SPRYD7: variants seen among roughly 807,000 people sequenced by gnomAD.
SPRYD7 encodes the protein SPRY domain-containing protein 7.
In SPRYD7, 14 loss-of-function variants were observed where a neutral mutation model predicts 23.8. The observed-to-expected ratio is 0.59, with a 90% CI of 0.39 to 0.92. The LOEUF (loss-of-function observed/expected upper bound fraction) is 0.92. Among genes scored for constraint, SPRYD7 ranks in the 40% least tolerant of loss-of-function variants. The pLI, the probability that SPRYD7 is intolerant of heterozygous loss-of-function variation, is 0.00. For missense variants in SPRYD7, 194 were observed against 241.7 expected, an observed-to-expected ratio of 0.80 and a Z score of 1.31; for synonymous variants, 75 against 84.9, an observed-to-expected ratio of 0.88 and a Z score of 0.64.
At chr13:49,933,910 T>C (rs954308847) in intron 1 of SPRYD7, among the ~76,000 whole-genome samples, 3 of 152,154 alleles carry the variant, frequency 2.0e-5, no homozygotes, top group African/African-American at 4.8e-5. Context: ...GCCAAAGATA[T>C]GGCATCAATG....
In SPRYD7 at chr13:49,936,204, C is replaced by T. The variant is rs374289723; in HGVS notation, c.32G>A (p.Cys11Tyr). Residue 11 changes from cysteine to tyrosine, a missense_variant, in exon 1 of 5, where the codon TGC becomes TAC. Cys to Tyr is a radical substitution (Grantham distance 194). Transcript: ENST00000361840. MATSVLCCLR[C>Y]CRDGGTGHIP... ...GTGGCCAGTCCCCCCGTCTCTGCAG[C>T]ACCGCAGGCAGCACAACACCGAGGT... 1.4e-5 allele frequency: 23 copies of T among 1,608,098 alleles called. No individual in the cohort carries two copies. The African/African-American group carries it at 2.8e-4, about 20-fold the overall frequency.
intron 4 of SPRYD7, among the ~76,000 whole-genome samples, chr13:49,916,340 A>G (rs550293340): frequency 9.2e-5 from 14 of 152,324 alleles, no homozygotes; most frequent in African/African-American, 2.6e-4. Flanking sequence ...ACATTACTAT[A>G]TACTTTATAT....
At chr13:49,933,015 T>C (rs916017267) in intron 1 of SPRYD7, among the ~76,000 whole-genome samples, 2 of 152,230 alleles carry the variant, frequency 1.3e-5, no homozygotes, top group Non-Finnish European at 2.9e-5. Context: ...GTGCTTGGCA[T>C]TGAGCAGCTG....
intron 2 of SPRYD7, among the ~76,000 whole-genome samples, chr13:49,930,284 C>T (rs1955932351): frequency 6.6e-6 from 1 of 151,760 alleles, no homozygotes; most frequent in South Asian, 2.1e-4. Context: ...ATCAGGGTAT[C>T]TTAATAACTG....
intron 4 of SPRYD7, among the ~76,000 whole-genome samples, chr13:49,917,411 G>C (rs143203551): frequency 6.6e-6 from 1 of 152,144 alleles, no homozygotes; most frequent in African/African-American, 2.4e-5. Context: ...CCAGGAAGTC[G>C]TAACTTTGTA....
In SPRYD7 at chr13:49,933,616, GA is replaced by G. The variant is rs111981291; in HGVS notation, c.107-2483del. Reference sequence around the variant, plus strand: ...GATTCCCTCTCAAAAAAAAAAAAAAGAAAAAAAAAGAAAGAAAGAATATTCA... The same window carrying G: ...GATTCCCTCTCAAAAAAAAAAAAAAGAAAAAAAAGAAAGAAAGAATATTCA... On this transcript the variant is annotated intron_variant, in intron 1 of 4. Transcript: ENST00000361840. 1.2e-3 allele frequency among the ~76,000 whole-genome samples: 178 copies of G among 142,914 alleles called. 1 individual carries two copies. The highest frequency in any genetic ancestry group is 4.2e-3 in the African/African-American group (168 of 39,584). The allele number at this position is 142,914 out of a possible 152,430, so 93.8% of individuals were successfully genotyped here. A position where few individuals can be genotyped will look rare whatever the true frequency, so the allele number is the denominator to read the frequency against.
intron 1 of SPRYD7, among the ~76,000 whole-genome samples, chr13:49,932,586 A>C (rs1871435898): frequency 6.6e-6 from 1 of 152,180 alleles, no homozygotes; most frequent in Non-Finnish European, 1.5e-5. Flanking sequence ...ATAACTCCCC[A>C]TACTTGTGGC....
chr13:49,927,861 T>C lies in SPRYD7; in HGVS notation c.390+58A>G. 4.4e-6 allele frequency: 7 copies of C among 1,578,472 alleles called. No individual in the cohort carries two copies. In the Admixed American group the frequency reaches 6.8e-5, roughly 15 times the overall value. ...AACTCCCAGACAAAGCTGTAGATAC[T>C]AAAAGCAGTTCAAATTTAGTCATTT... On this transcript the variant is annotated intron_variant, in intron 3 of 4. Transcript: ENST00000361840.
At position 49,915,137 on chromosome 13, in the gene SPRYD7, A is replaced by C; in HGVS notation, c.517T>G (p.Cys173Gly). ...VYVDDSAILD[C>G]QFSEFYHTPP... ...GTATGATAAAACTCACTGAACTGGCAATCCAAAATTGCACTGTCATCAACT... is the reference window on the plus strand; with the variant it reads ...GTATGATAAAACTCACTGAACTGGCCATCCAAAATTGCACTGTCATCAACT... The change falls in exon 5 of 5, where the codon TGC (cysteine) becomes GGC (glycine). Residue 173 changes from cysteine (C) to glycine (G), a missense_variant. Cys to Gly is a radical substitution (Grantham distance 159, BLOSUM62 -3). Transcript: ENST00000361840. The C allele has an allele frequency of 6.4e-7, 1 of 1,573,356 alleles. No individual in the cohort carries two copies. Among genetic ancestry groups the C allele is most frequent in the South Asian group, 1.2e-5 (1 of 83,996 alleles).
At chr13:49,921,047 C>T (rs1030726222) in intron 4 of SPRYD7, among the ~76,000 whole-genome samples, 4 of 152,104 alleles carry the variant, frequency 2.6e-5, no homozygotes, top group South Asian at 2.1e-4. Context: ...GTAACATACA[C>T]GCTGATATGG....
chr13:49,929,137 A>T (rs1955917943), intron 2 of SPRYD7, among the ~76,000 whole-genome samples: 1 of 152,030 alleles, frequency 6.6e-6, no homozygotes, highest in South Asian at 2.1e-4. Flanking sequence ...TGCCCCATTG[A>T]AAATCATTAT....
intron 1 of SPRYD7, among the ~76,000 whole-genome samples, chr13:49,932,298 A>G (rs1871419551): frequency 6.6e-6 from 1 of 152,228 alleles, no homozygotes; most frequent in South Asian, 2.1e-4. Flanking sequence ...TAACTTTAGG[A>G]TCTTAAAATG....
intron 1 of SPRYD7, among the ~76,000 whole-genome samples, chr13:49,934,572 A>AAG (rs1555317838): frequency 5.3e-4 from 80 of 149,742 alleles, no homozygotes; most frequent in East Asian, 1.4e-3. Context: ...AAAAAAAAAA[A>AAG]AAAAAGAAAA....
At chr13:49,932,348 A>G (rs981161492) in intron 1 of SPRYD7, among the ~76,000 whole-genome samples, 1 of 152,232 alleles carries the variant, frequency 6.6e-6, no homozygotes, top group African/African-American at 2.4e-5. Context: ...GCAAATATGT[A>G]AACAAGGTTT....
intron 4 of SPRYD7, among the ~76,000 whole-genome samples, chr13:49,917,424 C>T (rs1955765229): frequency 6.6e-6 from 1 of 152,148 alleles, no homozygotes; most frequent in African/African-American, 2.4e-5. Flanking sequence ...ACTTTGTAAC[C>T]ACACTTCTTC....
At chr13:49,917,641 A>G (rs1356515110) in intron 4 of SPRYD7, among the ~76,000 whole-genome samples, 1 of 152,242 alleles carries the variant, frequency 6.6e-6, no homozygotes, top group Non-Finnish European at 1.5e-5. Flanking sequence ...TTTAGTATCT[A>G]TAACCTTAGT....
intron 1 of SPRYD7, among the ~76,000 whole-genome samples, chr13:49,931,496 A>G (rs893780981): frequency 7.9e-5 from 12 of 152,148 alleles, no homozygotes; most frequent in African/African-American, 2.9e-4. Context: ...TCTATTTTCA[A>G]TCCAACAATC....
Position 49,924,994 on chromosome 13 carries a change from A to AAATAAT in SPRYD7, c.390+2919_390+2924dup, listed in dbSNP as rs201309392. Among the ~76,000 whole-genome samples, 1,038 of 135,772 alleles carry AAATAAT rather than the reference A, an allele frequency of 7.6e-3. 17 individuals carry two copies. Among genetic ancestry groups the AAATAAT allele is most frequent in the Admixed American group, 0.031 (409 of 13,330 alleles). The allele number at this position is 135,772 out of a possible 152,430, so 89.1% of individuals were successfully genotyped here. A position where few individuals can be genotyped will look rare whatever the true frequency, so the allele number is the denominator to read the frequency against. ...TCCATCTCAAAAAAAAAAAATAAAT[A>AAATAAT]AATAATAATAATAATAATAATAATA... On this transcript the variant is annotated intron_variant, in intron 3 of 4. Transcript: ENST00000361840.
At chr13:49,918,244 G>A (rs1955774144) in intron 4 of SPRYD7, among the ~76,000 whole-genome samples, 2 of 151,854 alleles carry the variant, frequency 1.3e-5, no homozygotes, top group Non-Finnish European at 2.9e-5. Flanking sequence ...AAAATTTTTT[G>A]TCGAGACGTG....
Sources: allele counts gnomAD v4.1 joint callset (sites outside exome capture counted in the v4.1 genomes callset), GRCh38; gene constraint gnomAD v4.1.1; transcripts MANE v1.5; gene names NCBI Gene and HGNC (gene_info 2026-07-23, HGNC 2026-07-21).